Variants in CAST observed in about 807,000 individuals in gnomAD.
The protein encoded by CAST is calpastatin, also known as MIR583 host.
A neutral mutation model predicts 119.6 loss-of-function variants in CAST; 76 were observed. That is an observed-to-expected ratio of 0.64 (90% CI 0.53 to 0.77). The LOEUF (loss-of-function observed/expected upper bound fraction) is 0.77, where lower values mean the gene tolerates loss of function less well. Ranked by LOEUF, CAST falls within the 30% of genes least tolerant of loss-of-function variation. The pLI is 0.00. For missense variants in CAST, 953 were observed against 946.5 expected (o/e 1.01, Z -0.09); for synonymous variants, 319 against 331.6 (o/e 0.96, Z 0.41).
At chr5:96,756,123 A>G (rs1412455773) in intron 22 of CAST, among the ~76,000 whole-genome samples, 4 of 151,914 alleles carry the variant, frequency 2.6e-5, no homozygotes, top group Non-Finnish European at 5.9e-5. Context: ...GCTTCATCTC[A>G]TTTAAATCCT....
intron 1 of CAST, among the ~76,000 whole-genome samples, chr5:96,670,195 G>A (rs962082921): frequency 7.2e-5 from 11 of 152,112 alleles, no homozygotes; most frequent in African/African-American, 2.7e-4. Context: ...CTATCTCGAT[G>A]AAATTGTCGC....
chr5:96,561,086 G>A (rs1355533569), intron 1 of CAST, among the ~76,000 whole-genome samples: 2 of 151,262 alleles, frequency 1.3e-5, no homozygotes, highest in African/African-American at 4.9e-5. Context: ...ATCATTCTGA[G>A]CAAACTATCG....
At chr5:96,656,678 A>G (rs948527777) in intron 1 of CAST, among the ~76,000 whole-genome samples, 15 of 152,188 alleles carry the variant, frequency 9.9e-5, no homozygotes, top group African/African-American at 3.1e-4. Context: ...GGTCAGTTCA[A>G]GTCAGGTCTA....
the CAST span, among the ~76,000 whole-genome samples, chr5:96,113,290 G>T: frequency 6.6e-6 from 1 of 152,152 alleles, no homozygotes; most frequent in African/African-American, 2.4e-5. Context: ...TGGCATGCAG[G>T]CCTGTCTATT....
chr5:96,654,708 A>G, intron 1 of CAST, among the ~76,000 whole-genome samples: 1 of 152,024 alleles, frequency 6.6e-6, no homozygotes, highest in Admixed American at 6.5e-5. Flanking sequence ...GTAAGAAAAA[A>G]CAAAAAAGGG....
chr5:96,713,996 G>A (rs1561509879), intron 3 of CAST, among the ~76,000 whole-genome samples: 1 of 151,988 alleles, frequency 6.6e-6, no homozygotes, highest in Non-Finnish European at 1.5e-5. Context: ...AAACACAGTG[G>A]TCAGCACAGA....
the CAST span, among the ~76,000 whole-genome samples, chr5:96,061,641 T>C: frequency 3.4e-5 from 5 of 144,944 alleles, no homozygotes; most frequent in Non-Finnish European, 7.6e-5. Context: ...GCCCTTGTTA[T>C]TCAGTGTGTG....
At chr5:96,547,431 A>T (rs1008810448) in intron 1 of CAST, among the ~76,000 whole-genome samples, 2 of 152,168 alleles carry the variant, frequency 1.3e-5, no homozygotes, top group African/African-American at 2.4e-5. Flanking sequence ...CAGGAGACAG[A>T]TGTCCCAGCT....
the CAST span, among the ~76,000 whole-genome samples, chr5:96,125,875 A>G: frequency 6.6e-6 from 1 of 151,978 alleles, no homozygotes. Flanking sequence ...CAGTCTTTCT[A>G]ATTTGTTGTC....
At chr5:96,297,817 CAT>C in the CAST span, among the ~76,000 whole-genome samples, 1 of 152,016 alleles carries the variant, frequency 6.6e-6, no homozygotes, top group Non-Finnish European at 1.5e-5. Flanking sequence ...AATTTTTCTT[CAT>C]AGTTTATGGT....
At position 96,767,898 on chromosome 5, in the gene CAST, A is replaced by G. The variant is rs750605598; in HGVS notation, c.2176-9A>G. The G allele has an allele frequency of 3.1e-6, 5 of 1,595,184 alleles. No individual in the cohort carries two copies. The highest frequency in any genetic ancestry group is 2.2e-5 in the South Asian group (2 of 90,640). On this transcript the variant is annotated splice_polypyrimidine_tract_variant and intron_variant, in intron 28 of 31. Coordinates refer to ENST00000675179, the MANE Select transcript of CAST (RefSeq NM_001750.7). ...TCTTCACTGATGGTTATTTCTACTC[A>G]TATCTCAGAAACCTGCAGATGACCA...
chr5:96,240,170 A>T, the CAST span, among the ~76,000 whole-genome samples: 2 of 152,100 alleles, frequency 1.3e-5, no homozygotes, highest in Admixed American at 6.5e-5. Context: ...CTTGCTGCTT[A>T]TCATTTTTAT....
At chr5:96,540,665 G>A (rs191085491) in intron 1 of CAST, among the ~76,000 whole-genome samples, 22 of 152,084 alleles carry the variant, frequency 1.4e-4, no homozygotes, top group African/African-American at 3.9e-4. Flanking sequence ...TTCTGTTTCC[G>A]GATCTCATCC....
the CAST span, among the ~76,000 whole-genome samples, chr5:96,035,300 T>A: frequency 6.6e-6 from 1 of 150,498 alleles, no homozygotes; most frequent in Non-Finnish European, 1.5e-5. Flanking sequence ...TTTTAAATAA[T>A]TGATATAGTA....
Position 96,702,207 on chromosome 5 carries a change from TCTAA to T in CAST, c.210+6303_210+6306del, listed in dbSNP as rs535813327. ...TTTAAAATTTTTTATAATTATTTTCTCTAACTCTTATCATTCAATATTTATTAGT... is the reference window on the plus strand; with the variant it reads ...TTTAAAATTTTTTATAATTATTTTCTCTCTTATCATTCAATATTTATTAGT... On this transcript the variant is annotated intron_variant, in intron 3 of 31. Transcript: ENST00000675179. Among the ~76,000 whole-genome samples, 1,319 of 152,306 alleles carry T rather than the reference TCTAA, an allele frequency of 8.7e-3. 7 individuals carry two copies. The highest frequency in any genetic ancestry group is 0.013 in the Non-Finnish European group (903 of 68,024).
the CAST span, among the ~76,000 whole-genome samples, chr5:95,998,983 C>T: frequency 6.6e-6 from 1 of 152,016 alleles, no homozygotes; most frequent in African/African-American, 2.4e-5. Context: ...TTTTAATTTG[C>T]ATTTCTCTGA....
the CAST span, among the ~76,000 whole-genome samples, chr5:96,046,387 T>C: frequency 6.6e-6 from 1 of 152,310 alleles, no homozygotes; most frequent in East Asian, 1.9e-4. Flanking sequence ...CTAACTCAAC[T>C]CTGCACCTAA....
chr5:96,570,747 C>A (rs1454178180), intron 1 of CAST, among the ~76,000 whole-genome samples: 1 of 152,138 alleles, frequency 6.6e-6, no homozygotes, highest in Non-Finnish European at 1.5e-5. Context: ...AAACTGGTAT[C>A]TCTTTTGAAT....
At chr5:96,461,470 C>T in the CAST span, among the ~76,000 whole-genome samples, 2 of 152,188 alleles carry the variant, frequency 1.3e-5, no homozygotes, top group East Asian at 3.9e-4. Context: ...TTTTCATTCG[C>T]ATCAGGAAGG....
Sources: allele counts gnomAD v4.1 joint callset (sites outside exome capture counted in the v4.1 genomes callset), GRCh38; gene constraint gnomAD v4.1.1; transcripts MANE v1.5; gene names NCBI Gene and HGNC (gene_info 2026-07-23, HGNC 2026-07-21).